MGAT5: variants seen among roughly 807,000 people sequenced by gnomAD.
The protein encoded by MGAT5 is alpha-1,6-mannosylglycoprotein 6-beta-N-acetylglucosaminyltransferase, also known as alpha-1,6-mannosylglycoprotein 6-beta-N-acetylglucosaminyltransferase A.
In MGAT5, 30 loss-of-function variants were observed where a neutral mutation model predicts 94.3. The ratio of observed to expected loss-of-function variants is 0.32; its 90% CI spans 0.24 to 0.43. The LOEUF (loss-of-function observed/expected upper bound fraction) is 0.43, where lower values mean the gene tolerates loss of function less well. Ranked by LOEUF, MGAT5 falls within the 20% of genes least tolerant of loss-of-function variation. MGAT5 has a pLI of 1.00. For synonymous variants in MGAT5, 310 were observed against 322.9 expected, an observed-to-expected ratio of 0.96 and a Z score of 0.43; for missense variants, 691 against 905.5, an observed-to-expected ratio of 0.76 and a Z score of 3.04.
chr2:134,387,332 A>ATATATATATATATATATTTTT, intron 10 of MGAT5, among the ~76,000 whole-genome samples: 2 of 24,262 alleles, frequency 8.2e-5, no homozygotes, highest in African/African-American at 2.0e-4. Flanking sequence ...ATATATATAT[A>ATATATATATATATATATTTTT]TTTTTTTTTT....
intron 5 of MGAT5, among the ~76,000 whole-genome samples, chr2:134,337,588 T>A (rs1688404750): frequency 6.6e-6 from 1 of 152,210 alleles, no homozygotes. Context: ...CTGGTTATTA[T>A]GTTTCTCTAT....
intron 1 of MGAT5, among the ~76,000 whole-genome samples, chr2:134,142,575 A>G (rs1219108664): frequency 6.6e-6 from 1 of 152,192 alleles, no homozygotes; most frequent in Non-Finnish European, 1.5e-5. Flanking sequence ...GGCAAAACCA[A>G]TAATTATCTG....
intron 1 of MGAT5, among the ~76,000 whole-genome samples, chr2:134,158,337 G>T (rs887028092): frequency 6.6e-6 from 1 of 152,162 alleles, no homozygotes; most frequent in Non-Finnish European, 1.5e-5. Flanking sequence ...CCCTCTAAGC[G>T]CCCCCTTGGC....
chr2:134,186,499 CT>C (rs1370250325), intron 1 of MGAT5, among the ~76,000 whole-genome samples: 3 of 151,996 alleles, frequency 2.0e-5, no homozygotes, highest in Non-Finnish European at 4.4e-5. Context: ...ACTTGTTGGC[CT>C]TTTTGCATAC....
intron 4 of MGAT5, among the ~76,000 whole-genome samples, chr2:134,334,519 T>TTA (rs1688218935): frequency 7.2e-6 from 1 of 138,632 alleles, no homozygotes; most frequent in Non-Finnish European, 1.6e-5. Flanking sequence ...TTTTTTTTTT[T>TTA]GCAGGGTTGG....
chr2:134,436,462 C>T (rs1023739706), intron 14 of MGAT5, among the ~76,000 whole-genome samples: 22 of 152,214 alleles, frequency 1.4e-4, no homozygotes, highest in African/African-American at 5.1e-4. Context: ...CAGTGTTCAG[C>T]TGCAGGATTG....
intron 1 of MGAT5, among the ~76,000 whole-genome samples, chr2:134,168,780 G>A (rs1688067857): frequency 6.6e-6 from 1 of 152,216 alleles, no homozygotes; most frequent in African/African-American, 2.4e-5. Flanking sequence ...TTACTTTGAT[G>A]TTCTCAGCCA....
Position 134,268,330 on chromosome 2 carries a change from G to C in MGAT5, c.242-2056G>C, listed in dbSNP as rs1683839830. 6.6e-6 allele frequency among the ~76,000 whole-genome samples: 1 copy of C among 152,216 alleles called. No homozygotes were observed. Among genetic ancestry groups the C allele is most frequent in the Non-Finnish European group, 1.5e-5 (1 of 68,038 alleles). On this transcript the variant is annotated intron_variant, in intron 1 of 15. Coordinates refer to ENST00000281923, the MANE Select transcript of MGAT5 (RefSeq NM_002410.5). The surrounding 1 kb of genome is among the most constrained non-coding windows in gnomAD (Gnocchi z 4.1). ...CAAAGAGGCTGAAATGGGGGAGATT[G>C]ATCTTTTATATCTGAAGAGTATTTC... is the stretch of plus-strand genomic sequence containing the variant.
intron 10 of MGAT5, among the ~76,000 whole-genome samples, chr2:134,402,463 AG>A (rs1252389741): frequency 6.6e-6 from 1 of 152,228 alleles, no homozygotes; most frequent in Non-Finnish European, 1.5e-5. Flanking sequence ...GGTGGGATCC[AG>A]TTCTGACAAC....
At chr2:134,263,232 T>C (rs183994929) in intron 1 of MGAT5, among the ~76,000 whole-genome samples, 21 of 152,310 alleles carry the variant, frequency 1.4e-4, no homozygotes, top group Non-Finnish European at 2.8e-4. Flanking sequence ...TCCTATTCCC[T>C]GCAGCTGGCT....
chr2:134,331,104 A>G (rs1324665882), intron 4 of MGAT5, among the ~76,000 whole-genome samples: 2 of 152,176 alleles, frequency 1.3e-5, no homozygotes, highest in Admixed American at 6.5e-5. Flanking sequence ...GACCTTAGAA[A>G]TAAGTCTGAC....
chr2:134,317,562 T>A lies in MGAT5; in HGVS notation c.440T>A (p.Leu147Ter). 6.4e-7 allele frequency: 1 copy of A among 1,571,472 alleles called. No individual in the cohort carries two copies. The highest frequency in any genetic ancestry group is 8.6e-7 in the Non-Finnish European group (1 of 1,160,624). Residue 147 changes from leucine (L) to a stop codon, truncating the protein, a stop_gained, in exon 3 of 16, where the codon TTG becomes TAG. Coordinates refer to ENST00000281923, the MANE Select transcript of MGAT5 (RefSeq NM_002410.5). LOFTEE classifies it high-confidence loss of function. Reference protein sequence around the residue: ...IINGAQEKCVLPPMDGYPHCE... With the variant: ...IINGAQEKCV ...AACGGAGCTCAAGAAAAATGTGTAT[T>A]GCCTCCTATGGACGGCTACCCTCAC... is the stretch of plus-strand genomic sequence containing the variant.
chr2:134,172,735 T>G (rs1259240671), intron 1 of MGAT5, among the ~76,000 whole-genome samples: 1 of 152,238 alleles, frequency 6.6e-6, no homozygotes, highest in South Asian at 2.1e-4. Context: ...TTAAACCCAC[T>G]GCCTAAGGGG....
chr2:134,276,337 T>C (rs956883333), intron 2 of MGAT5, among the ~76,000 whole-genome samples: 5 of 152,224 alleles, frequency 3.3e-5, no homozygotes, highest in African/African-American at 1.2e-4. Flanking sequence ...TCTGCTTCTA[T>C]AGAAGGTAAT....
intron 2 of MGAT5, among the ~76,000 whole-genome samples, chr2:134,302,458 A>G (rs1573744947): frequency 6.6e-6 from 1 of 152,208 alleles, no homozygotes; most frequent in Non-Finnish European, 1.5e-5. Context: ...GGAAAACACT[A>G]TAGTGTTTTA....
intron 1 of MGAT5, among the ~76,000 whole-genome samples, chr2:134,160,513 T>G (rs1416614713): frequency 2.0e-5 from 3 of 152,208 alleles, no homozygotes; most frequent in African/African-American, 2.4e-5. Flanking sequence ...AAACTGCTCA[T>G]GGGGGATGTG....
At chr2:134,390,090 G>A (rs964636479) in intron 10 of MGAT5, among the ~76,000 whole-genome samples, 24 of 152,102 alleles carry the variant, frequency 1.6e-4, no homozygotes, top group African/African-American at 5.6e-4. Context: ...AATGAAAAAA[G>A]GCTGAGTTTG....
At chr2:134,164,139 T>TC (rs1327847310) in intron 1 of MGAT5, among the ~76,000 whole-genome samples, 1 of 152,190 alleles carries the variant, frequency 6.6e-6, no homozygotes, top group African/African-American at 2.4e-5. Context: ...CTAGGGTCCT[T>TC]CCCCAAATTG....
At chr2:134,269,773 G>A (rs1340570812) in intron 1 of MGAT5, among the ~76,000 whole-genome samples, 1 of 152,128 alleles carries the variant, frequency 6.6e-6, no homozygotes, top group African/African-American at 2.4e-5. Context: ...ATAATATCTG[G>A]CACATAGTAG....
Sources: allele counts gnomAD v4.1 joint callset (sites outside exome capture counted in the v4.1 genomes callset), GRCh38; gene constraint gnomAD v4.1.1; non-coding constraint Gnocchi (gnomAD v3.1); transcripts MANE v1.5; gene names NCBI Gene and HGNC (gene_info 2026-07-23, HGNC 2026-07-21).